The following CCDC117 variants were observed in gnomAD, a reference collection of about 807,000 sequenced individuals.
CCDC117 encodes coiled-coil domain-containing protein 117.
Under a neutral mutation model 23.5 loss-of-function variants are expected in CCDC117, and 1 was observed. That is an observed-to-expected ratio of 0.04 (90% CI 0.02 to 0.20). The LOEUF (loss-of-function observed/expected upper bound fraction) is 0.20, where lower values mean the gene tolerates loss of function less well. CCDC117 is among the 10% of genes least tolerant of loss of function. CCDC117 has a pLI of 1.00. For synonymous variants in CCDC117, 132 were observed against 124.8 expected (o/e 1.06, Z -0.39); for missense variants, 383 against 348.2 (o/e 1.10, Z -0.80).
intron 2 of CCDC117, among the ~76,000 whole-genome samples, chr22:28,774,059 G>GTTTTGT (rs1261298538): frequency 7.0e-6 from 1 of 142,614 alleles, no homozygotes; most frequent in East Asian, 2.3e-4. Flanking sequence ...ATATTGAAAA[G>GTTTTGT]TTTTGTTTTT....
rs556219458 is a variant in CCDC117, at chr22:28,777,041, T to G, written c.239+3263T>G. Among the ~76,000 whole-genome samples the G allele has an allele frequency of 4.4e-3, 659 of 151,398 alleles. 3 individuals carry two copies. Among genetic ancestry groups the G allele is most frequent in the Non-Finnish European group, 7.2e-3 (485 of 67,744 alleles). ...GGCCAGTATACTGTAGCTGTTTTTT[T>G]TTTTTTTTTTTGAGATGGCATCTTG... On this transcript the variant is annotated intron_variant, in intron 2 of 4. Coordinates refer to ENST00000249064, the MANE Select transcript of CCDC117 (RefSeq NM_173510.4).
chr22:28,780,614 C>T (rs892069554), intron 2 of CCDC117, among the ~76,000 whole-genome samples: 1 of 152,150 alleles, frequency 6.6e-6, no homozygotes, highest in African/African-American at 2.4e-5. Flanking sequence ...TGTGAGCCAC[C>T]ACACCTAGCC....
chr22:28,782,457 GAGACAGAGTCTC>G (rs1438250408), intron 3 of CCDC117, among the ~76,000 whole-genome samples: 1 of 151,344 alleles, frequency 6.6e-6, no homozygotes, highest in Admixed American at 6.6e-5. Context: ...TTTATTTTTG[GAGACAGAGTCTC>G]GCTCTGTTGC....
At chr22:28,774,723 T>C (rs1255429605) in intron 2 of CCDC117, among the ~76,000 whole-genome samples, 1 of 152,088 alleles carries the variant, frequency 6.6e-6, no homozygotes, top group African/African-American at 2.4e-5. Flanking sequence ...CCCTTACCTG[T>C]TTTCATTGTC....
intron 2 of CCDC117, among the ~76,000 whole-genome samples, chr22:28,774,070 GTTTTTTTTT>G (rs67314143): frequency 1.6e-4 from 20 of 126,094 alleles, no homozygotes; most frequent in African/African-American, 5.8e-4. Flanking sequence ...TTTTGTTTTT[GTTTTTTTTT>G]TTTTTTGGGA....
rs142089992 is a variant in CCDC117 at position 28,773,741 on chromosome 22, A to G, written c.202A>G (p.Lys68Glu). Residue 68 changes from lysine to glutamate, a missense_variant, in exon 2 of 5, where the codon AAA becomes GAA. Physicochemically the swap from Lys to Glu is moderately conservative, Grantham distance 56 (BLOSUM62 1). Transcript: ENST00000249064. The part of the protein sequence containing the change: ...AARGRVSVHC[K>E]KKHKREEEED... ...TTTCAACAGTGTTTCTGTTCACTGT[A>G]AAAAGAAACACAAGCGAGAGGAGGA... 1.0e-3 allele frequency: 1,660 copies of G among 1,613,698 alleles called. 3 individuals carry two copies. The highest frequency in any genetic ancestry group is 1.2e-3 in the Admixed American group (72 of 60,016).
At position 28,780,968 on chromosome 22, in the gene CCDC117, G is replaced by C. The variant is rs776409721; in HGVS notation, c.260G>C (p.Arg87Thr). 1 of 1,612,730 alleles carries C rather than the reference G, an allele frequency of 6.2e-7. No individual in the cohort carries two copies. Among genetic ancestry groups the C allele is most frequent in the Non-Finnish European group, 8.5e-7 (1 of 1,179,220 alleles). Reference protein sequence around the residue: ...EDDDCPVRKKRITEAELCAGP... With the variant: ...EDDDCPVRKKTITEAELCAGP... Reference sequence around the variant, plus strand: ...TTCAGTTGTCCAGTAAGAAAGAAAAGGATAACTGAAGCAGAGCTCTGTGCT... The same window carrying C: ...TTCAGTTGTCCAGTAAGAAAGAAAACGATAACTGAAGCAGAGCTCTGTGCT... The change falls in exon 3 of 5, where the codon AGG becomes ACG. Residue 87 changes from arginine to threonine, a missense_variant. By Grantham distance (71) the Arg-to-Thr change is moderately conservative (BLOSUM62 -1). Transcript: ENST00000249064.
rs758218442 is a variant in CCDC117 at position 28,786,172 on chromosome 22, A to C, written c.686A>C (p.Lys229Thr). 4 of 1,614,142 alleles carry C rather than the reference A, an allele frequency of 2.5e-6. No individual in the cohort carries two copies. The South Asian group carries it at 4.4e-5, about 18-fold the overall frequency. ...AAGCCAAAGCCATCCTCTAATACTA[A>C]GAACTATACAGGAGAGAGCCAAGCT... ...SDKPKPSSNT[K>T]NYTGESQAKH... is the part of the protein sequence containing the mutation. The change falls in exon 5 of 5, where the codon AAG (lysine) becomes ACG (threonine). Residue 229 changes from lysine (K) to threonine (T), a missense_variant. Physicochemically the swap from Lys to Thr is moderately conservative, Grantham distance 78 (BLOSUM62 -1). Coordinates refer to ENST00000249064, the MANE Select transcript of CCDC117 (RefSeq NM_173510.4).
At position 28,788,161 on chromosome 22, in the gene CCDC117, T is replaced by TA. The variant is rs1205288292; in HGVS notation, c.*1835_*1836insA. 6.5e-6 allele frequency: 1 copy of TA among 152,690 alleles called. No individual in the cohort carries two copies. Among genetic ancestry groups the TA allele is most frequent in the Non-Finnish European group, 1.5e-5 (1 of 68,040 alleles). The allele number at this position is 152,690 out of a possible 1,614,324, so 9.5% of individuals were successfully genotyped here. A position where few individuals can be genotyped will look rare whatever the true frequency, so the allele number is the denominator to read the frequency against. On this transcript the variant is annotated 3_prime_UTR_variant, in exon 5 of 5. Transcript: ENST00000249064. ...CAGTTGGAAACCAGCTAATAGTTTC[T>TA]TAATCTCAGATTTCGAGATGAATGT... is the stretch of plus-strand genomic sequence containing the variant.
In CCDC117 at chr22:28,773,693, C is replaced by G. The variant is rs148640673; in HGVS notation, c.186-32C>G. 29 of 1,584,356 alleles carry G rather than the reference C, an allele frequency of 1.8e-5. No homozygotes were observed. The East Asian group carries it at 6.3e-4, about 34-fold the overall frequency. ...TGAAACCACAAGCTCGAGTACATTT[C>G]TTAATTGACTGATTTTTGTTTGTTT... On this transcript the variant is annotated intron_variant, in intron 1 of 4. Transcript: ENST00000249064.
At chr22:28,783,682 C>A (rs1417979318) in intron 4 of CCDC117, 37 bp downstream of exon 4, 4 of 1,598,686 alleles carry the variant, frequency 2.5e-6, no homozygotes, top group Admixed American at 3.4e-5. Flanking sequence ...TAATTATGAT[C>A]TTGGAGGGAA....
intron 2 of CCDC117, among the ~76,000 whole-genome samples, chr22:28,774,217 G>C (rs1230339707): frequency 6.7e-6 from 1 of 150,272 alleles, no homozygotes; most frequent in African/African-American, 2.4e-5. Flanking sequence ...ACAGGCGCCC[G>C]CCACCACGCC....
At chr22:28,779,257 A>G (rs1017933093) in intron 2 of CCDC117, among the ~76,000 whole-genome samples, 2 of 152,094 alleles carry the variant, frequency 1.3e-5, no homozygotes, top group Non-Finnish European at 2.9e-5. Context: ...GCTGGAGTGC[A>G]GTGACGCAAT....
At chr22:28,785,947 T>G in intron 4 of CCDC117, 142 bp from the exon 5 acceptor site, 1 of 577,502 alleles carries the variant, frequency 1.7e-6, no homozygotes, top group Non-Finnish European at 3.0e-6. Flanking sequence ...AAAAAGAAAG[T>G]AAAGATCAGT....
At position 28,789,084 on chromosome 22, in the gene CCDC117, TAA is replaced by T. The variant is rs2031600997; in HGVS notation, c.*2759_*2760del. On this transcript the variant is annotated 3_prime_UTR_variant, in exon 5 of 5. Coordinates refer to ENST00000249064, the MANE Select transcript of CCDC117 (RefSeq NM_173510.4). ...GGTACACATGTAAAATTTAGGAAAATAACTAAAGTAGGGGCTGGAACCATAAG... is the reference window on the plus strand; with the variant it reads ...GGTACACATGTAAAATTTAGGAAAATCTAAAGTAGGGGCTGGAACCATAAG... The T allele has an allele frequency of 2.0e-5, 3 of 150,096 alleles. No homozygotes were observed. Among genetic ancestry groups the T allele is most frequent in the African/African-American group, 7.4e-5 (3 of 40,618 alleles). 9.3% of individuals were successfully genotyped at this position (150,096 alleles called of 1,614,324 possible). A position where few individuals can be genotyped will look rare whatever the true frequency, so the allele number is the denominator to read the frequency against.
chr22:28,777,993 G>C (rs1351115677), intron 2 of CCDC117, among the ~76,000 whole-genome samples: 2 of 151,732 alleles, frequency 1.3e-5, no homozygotes, highest in Admixed American at 1.3e-4. Context: ...TTACAGGTGC[G>C]TGCCACCACG....
intron 2 of CCDC117, among the ~76,000 whole-genome samples, chr22:28,776,694 C>G (rs1204113391): frequency 6.6e-6 from 1 of 152,116 alleles, no homozygotes; most frequent in Non-Finnish European, 1.5e-5. Context: ...AAGCAGTTCT[C>G]CTGCCTCAGC....
chr22:28,784,196 A>C (rs1409643979), intron 4 of CCDC117, among the ~76,000 whole-genome samples: 1 of 152,232 alleles, frequency 6.6e-6, no homozygotes, highest in Non-Finnish European at 1.5e-5. Flanking sequence ...TCAGAGTAGA[A>C]GCAGAAACAG....
intron 2 of CCDC117, among the ~76,000 whole-genome samples, chr22:28,777,810 T>G (rs1312192342): frequency 6.6e-6 from 1 of 151,944 alleles, no homozygotes; most frequent in Admixed American, 6.6e-5. Context: ...CCTGGCTGTT[T>G]ATGCAAATTT....
Sources: allele counts gnomAD v4.1 joint callset (sites outside exome capture counted in the v4.1 genomes callset), GRCh38; gene constraint gnomAD v4.1.1; transcripts MANE v1.5; gene names NCBI Gene and HGNC (gene_info 2026-07-23, HGNC 2026-07-21).